Variants in CNTN5 observed in about 807,000 individuals in gnomAD.
CNTN5 encodes the protein contactin-5.
A neutral mutation model predicts 129.1 loss-of-function variants in CNTN5; 77 were observed. The observed-to-expected ratio is 0.60, with a 90% CI of 0.50 to 0.72. The LOEUF (loss-of-function observed/expected upper bound fraction) is 0.72, where lower values mean the gene tolerates loss of function less well. Ranked by LOEUF, CNTN5 falls within the 30% of genes least tolerant of loss-of-function variation. CNTN5 has a pLI of 0.00. For missense variants in CNTN5, 1,478 were observed against 1,328.8 expected (o/e 1.11, Z -1.75); for synonymous variants, 509 against 465.6 (o/e 1.09, Z -1.20).
intron 1 of CNTN5, among the ~76,000 whole-genome samples, chr11:99,167,536 G>C (rs1243911059): frequency 6.6e-6 from 1 of 152,022 alleles, no homozygotes; most frequent in Non-Finnish European, 1.5e-5. Context: ...TGATACTTGA[G>C]AGTTAATTAC....
intron 1 of CNTN5, among the ~76,000 whole-genome samples, chr11:99,265,568 G>A (rs976480906): frequency 1.3e-5 from 2 of 152,016 alleles, no homozygotes; most frequent in African/African-American, 4.8e-5. Context: ...AGAAATATTT[G>A]ATGTCTTGCT....
intron 1 of CNTN5, among the ~76,000 whole-genome samples, chr11:99,276,807 T>C (rs1863458136): frequency 6.6e-6 from 1 of 151,560 alleles, no homozygotes; most frequent in Non-Finnish European, 1.5e-5. Flanking sequence ...CTATCAAGTT[T>C]TATGTCATAA....
At chr11:99,446,606 A>G (rs1944082436) in intron 2 of CNTN5, among the ~76,000 whole-genome samples, 1 of 152,152 alleles carries the variant, frequency 6.6e-6, no homozygotes, top group African/African-American at 2.4e-5. Flanking sequence ...TAGTCAGCTA[A>G]TCTGGTCTGT....
At chr11:99,534,860 A>G (rs1045069303) in intron 2 of CNTN5, among the ~76,000 whole-genome samples, 1 of 152,152 alleles carries the variant, frequency 6.6e-6, no homozygotes, top group East Asian at 1.9e-4. Context: ...GTCAACTACA[A>G]TATAAGGATG....
chr11:99,316,483 A>G (rs921999857), intron 1 of CNTN5, among the ~76,000 whole-genome samples: 1 of 152,112 alleles, frequency 6.6e-6, no homozygotes, highest in African/African-American at 2.4e-5. Flanking sequence ...CTAGGTAATG[A>G]TCGCTGAGAC....
chr11:100,187,746 A>T lies in CNTN5; in HGVS notation c.1581-3380A>T, dbSNP rs184422203. ...TCGCTGACAAGTCATATGCAAAAGA[A>T]TGAAACTGGACCCCTACCTCTCACC... On this transcript the variant is annotated intron_variant, in intron 13 of 24. Transcript: ENST00000524871. Among the ~76,000 whole-genome samples the T allele has an allele frequency of 1.8e-3, 277 of 152,304 alleles. 2 individuals are homozygous for T. Among genetic ancestry groups the T allele is most frequent in the African/African-American group, 6.4e-3 (266 of 41,572 alleles).
intron 2 of CNTN5, among the ~76,000 whole-genome samples, chr11:99,427,352 A>C (rs898453051): frequency 1.3e-5 from 2 of 152,198 alleles, no homozygotes; most frequent in Non-Finnish European, 2.9e-5. Context: ...TGAGGGGGGA[A>C]ATAATTACAA....
At chr11:99,845,932 T>C (rs1947678953) in intron 6 of CNTN5, among the ~76,000 whole-genome samples, 1 of 152,160 alleles carries the variant, frequency 6.6e-6, no homozygotes, top group South Asian at 2.1e-4. Context: ...AAGATATCTA[T>C]AATTCTACTA....
intron 3 of CNTN5, among the ~76,000 whole-genome samples, chr11:99,730,218 G>A (rs76999554): frequency 0.029 from 4,405 of 152,234 alleles, 80 homozygotes; most frequent in South Asian, 0.044. Flanking sequence ...TTCCCTAGAA[G>A]GAGGCAGAAT....
chr11:100,258,507 TGAAGGAA>T (rs1950126022), intron 17 of CNTN5, among the ~76,000 whole-genome samples: 1 of 151,904 alleles, frequency 6.6e-6, no homozygotes, highest in Non-Finnish European at 1.5e-5. Context: ...AAGGTTGAAA[TGAAGGAA>T]AAAATGTTAT....
intron 1 of CNTN5, among the ~76,000 whole-genome samples, chr11:99,058,189 A>G (rs1864715495): frequency 6.6e-6 from 1 of 152,028 alleles, no homozygotes; most frequent in Non-Finnish European, 1.5e-5. Flanking sequence ...TGAGCATAGT[A>G]GGCTTTCTTC....
intron 2 of CNTN5, among the ~76,000 whole-genome samples, chr11:99,553,990 A>ACATACACACACACG (rs1948585741): frequency 7.4e-6 from 1 of 134,444 alleles, no homozygotes; most frequent in Non-Finnish European, 1.5e-5. Flanking sequence ...ACACACACAC[A>ACATACACACACACG]CACACATACA....
intron 13 of CNTN5, among the ~76,000 whole-genome samples, chr11:100,125,560 C>T (rs1233232731): frequency 5.9e-5 from 9 of 152,028 alleles, no homozygotes; most frequent in African/African-American, 2.2e-4. Context: ...TTATCCAGTT[C>T]ACCGTTGATG....
chr11:99,309,028 A>G (rs1591502036), intron 1 of CNTN5, among the ~76,000 whole-genome samples: 1 of 152,080 alleles, frequency 6.6e-6, no homozygotes, highest in Admixed American at 6.6e-5. Context: ...ATATTTCATC[A>G]TCTACATATT....
At chr11:100,351,646 C>T (rs1445354910) in intron 24 of CNTN5, among the ~76,000 whole-genome samples, 7 of 124,166 alleles carry the variant, frequency 5.6e-5, no homozygotes, top group East Asian at 2.5e-4. Context: ...GCAACCATTT[C>T]GTAGAGATAG....
intron 2 of CNTN5, among the ~76,000 whole-genome samples, chr11:99,427,399 T>C (rs1943167304): frequency 6.6e-6 from 1 of 152,126 alleles, no homozygotes; most frequent in Admixed American, 6.5e-5. Context: ...AGTTATTATC[T>C]CAGGCCTTCT....
At chr11:99,921,463 C>G (rs551897155) in intron 7 of CNTN5, among the ~76,000 whole-genome samples, 1 of 152,286 alleles carries the variant, frequency 6.6e-6, no homozygotes, top group African/African-American at 2.4e-5. Context: ...TAAATATCAC[C>G]TTAGTAAAAC....
chr11:99,561,403 A>G (rs1219242160), intron 3 of CNTN5, among the ~76,000 whole-genome samples: 1 of 152,208 alleles, frequency 6.6e-6, no homozygotes, highest in Non-Finnish European at 1.5e-5. Flanking sequence ...TAAATAATGA[A>G]TCAGGAAAAT....
At chr11:100,271,326 G>T (rs1245056735) in intron 18 of CNTN5, 85 bp downstream of exon 18, 7 of 893,404 alleles carry the variant, frequency 7.8e-6, no homozygotes, top group African/African-American at 3.4e-5. Flanking sequence ...TTGCTCCATT[G>T]CTTGCTTTAG....
Sources: gnomAD v4.1 joint callset for allele counts (sites outside exome capture counted in the v4.1 genomes callset) on GRCh38, gnomAD v4.1.1 for gene constraint, MANE v1.5 for transcripts, NCBI Gene and HGNC (gene_info 2026-07-23, HGNC 2026-07-21) for gene names.